CD2AP: variants seen among roughly 807,000 people sequenced by gnomAD.
CD2AP encodes CD2-associated protein.
CD2AP carries 46 observed loss-of-function variants against 85.1 expected under a neutral mutation model. The observed-to-expected ratio is 0.54, with a 90% CI of 0.43 to 0.69. The LOEUF is 0.69. Ranked by LOEUF, CD2AP falls within the 30% of genes least tolerant of loss-of-function variation. CD2AP has a pLI of 0.00. For synonymous variants in CD2AP, 255 were observed against 252.9 expected (o/e 1.01, Z -0.08); for missense variants, 769 against 729.5 (o/e 1.05, Z -0.62).
chr6:47,484,063 T>C (rs1765508953), intron 1 of CD2AP, among the ~76,000 whole-genome samples: 2 of 152,172 alleles, frequency 1.3e-5, no homozygotes, highest in Admixed American at 1.3e-4. Flanking sequence ...TTGTTGTTGC[T>C]TTTTAAATTT....
chr6:47,576,463 G>A, intron 6 of CD2AP, 61 bp from the exon 7 acceptor site: 3 of 1,119,380 alleles, frequency 2.7e-6, no homozygotes, highest in Middle Eastern at 2.1e-4. Flanking sequence ...TGGAAACTTT[G>A]TTTAACAGTA....
chr6:47,492,351 T>TG (rs1339461159), intron 1 of CD2AP, among the ~76,000 whole-genome samples: 1 of 144,858 alleles, frequency 6.9e-6, no homozygotes, highest in Non-Finnish European at 1.5e-5. Context: ...TGTAATCTTT[T>TG]TTTTTTTTTT....
At chr6:47,557,327 TA>T (rs1433265978) in intron 5 of CD2AP, among the ~76,000 whole-genome samples, 2 of 152,232 alleles carry the variant, frequency 1.3e-5, no homozygotes, top group Non-Finnish European at 2.9e-5. Context: ...CTCTTTAGTT[TA>T]ATTAGATCCC....
At chr6:47,568,659 G>A (rs1474714116) in intron 5 of CD2AP, among the ~76,000 whole-genome samples, 2 of 152,144 alleles carry the variant, frequency 1.3e-5, no homozygotes, top group East Asian at 1.9e-4. Context: ...CAGGAGATTC[G>A]CTTGAACCTG....
At position 47,597,515 on chromosome 6, in the gene CD2AP, ACTTGAGCAGGAGATTGAACAT is replaced by A. The variant is rs952452387; in HGVS notation, c.1274+1493_1274+1513del. 2.0e-5 allele frequency among the ~76,000 whole-genome samples: 3 copies of A among 150,980 alleles called. 1 individual carries two copies. The highest frequency in any genetic ancestry group is 4.5e-5 in the Non-Finnish European group (3 of 67,296). Reference sequence around the variant, plus strand: ...TGGAGGAAAGCTAGAGCACCAGGACACTTGAGCAGGAGATTGAACATCTTAGTGAATAGTGTTCATGGCAGC... The same window carrying A: ...TGGAGGAAAGCTAGAGCACCAGGACACTTAGTGAATAGTGTTCATGGCAGC... On this transcript the variant is annotated intron_variant, in intron 12 of 17. Transcript: ENST00000359314.
intron 5 of CD2AP, chr6:47,562,667 A>T (rs1023863117): frequency 8.9e-6 from 5 of 562,412 alleles, no homozygotes; most frequent in African/African-American, 7.2e-5. Flanking sequence ...TAATACTGCC[A>T]CTGCTTTATG....
chr6:47,553,513 A>T (rs1441398886), intron 4 of CD2AP, among the ~76,000 whole-genome samples: 1 of 110,516 alleles, frequency 9.0e-6, no homozygotes, highest in East Asian at 2.7e-4. Flanking sequence ...CACCTAGTGA[A>T]TTTTTTTTTT....
In CD2AP at chr6:47,593,920, A is replaced by G. The variant is rs115038175; in HGVS notation, c.1109-1941A>G. On this transcript the variant is annotated intron_variant, in intron 11 of 17. Transcript: ENST00000359314. ...AATGGGTAAACAGATTGTGTTTTAT[A>G]TATGTGTGTGTGTATGTTTAATGGA... is the stretch of plus-strand genomic sequence containing the variant. Among the ~76,000 whole-genome samples, 546 of 152,184 alleles carry G rather than the reference A, an allele frequency of 3.6e-3. 2 individuals are homozygous for G. The highest frequency in any genetic ancestry group is 0.012 in the African/African-American group (517 of 41,548).
Position 47,565,311 on chromosome 6 carries a change from G to T in CD2AP, c.542-8753G>T, listed in dbSNP as rs1406509127. ...TTTGCTAGGAAAGTGTTATGTTTCGGTTTTGTAATGTCTCCTTTTTAATTT... is the reference window on the plus strand; with the variant it reads ...TTTGCTAGGAAAGTGTTATGTTTCGTTTTTGTAATGTCTCCTTTTTAATTT... On this transcript the variant is annotated intron_variant, in intron 5 of 17. Transcript: ENST00000359314. Among the ~76,000 whole-genome samples the T allele has an allele frequency of 3.9e-5, 6 of 152,174 alleles. No homozygotes were observed. The East Asian group carries it at 1.2e-3, about 29-fold the overall frequency.
At chr6:47,530,724 C>T (rs1297176058) in intron 2 of CD2AP, among the ~76,000 whole-genome samples, 3 of 152,122 alleles carry the variant, frequency 2.0e-5, no homozygotes, top group Admixed American at 6.5e-5. Flanking sequence ...CTAGCTGCTG[C>T]CTGGTACTAG....
chr6:47,532,955 ATAGCCATG>A lies in CD2AP; in HGVS notation c.166-646_166-639del, dbSNP rs766777830. Among the ~76,000 whole-genome samples, 234 of 152,276 alleles carry A rather than the reference ATAGCCATG, an allele frequency of 1.5e-3. 1 individual carries two copies. Among genetic ancestry groups the A allele is most frequent in the Non-Finnish European group, 2.3e-3 (159 of 68,022 alleles). On this transcript the variant is annotated intron_variant, in intron 2 of 17. Coordinates refer to ENST00000359314, the MANE Select transcript of CD2AP (RefSeq NM_012120.3). The stretch of plus-strand genomic sequence containing the variant: ...CATGATGGTTCACATGTCTTATTTT[ATAGCCATG>A]ACTTAGATCAGGGGCTATCAAACTA...
Position 47,574,205 on chromosome 6 carries a change from G to A in CD2AP, c.683G>A (p.Arg228Gln), listed in dbSNP as rs756790635. The A allele has an allele frequency of 2.6e-5, 42 of 1,613,914 alleles. No homozygotes were observed. The highest frequency in any genetic ancestry group is 4.5e-5 in the East Asian group (2 of 44,824). Reference sequence around the variant, plus strand: ...TTTAAAGAAGGCTCTGTGAAACTTCGGACAAGAACATCCAGTAGTGAAACA... The same window carrying A: ...TTTAAAGAAGGCTCTGTGAAACTTCAGACAAGAACATCCAGTAGTGAAACA... ...DIFKEGSVKL[R>Q]TRTSSSETEE... Residue 228 changes from arginine (R) to glutamine (Q), a missense_variant, in exon 6 of 18, where the codon CGG (arginine) becomes CAG (glutamine). By Grantham distance (43) the Arg-to-Gln change is conservative (BLOSUM62 1). Coordinates refer to ENST00000359314, the MANE Select transcript of CD2AP (RefSeq NM_012120.3).
chr6:47,622,296 TC>T (rs1395651658), intron 17 of CD2AP, among the ~76,000 whole-genome samples: 4 of 152,190 alleles, frequency 2.6e-5, no homozygotes, highest in Non-Finnish European at 4.4e-5. Flanking sequence ...GCTTGGTTCT[TC>T]CCTCGCCTGT....
intron 1 of CD2AP, among the ~76,000 whole-genome samples, chr6:47,493,750 T>C (rs1448332769): frequency 6.6e-6 from 1 of 152,140 alleles, no homozygotes; most frequent in Admixed American, 6.5e-5. Context: ...TTTTTTGTTT[T>C]TTATAATTCT....
chr6:47,486,348 G>A (rs772238434), intron 1 of CD2AP, among the ~76,000 whole-genome samples: 11 of 152,172 alleles, frequency 7.2e-5, no homozygotes, highest in Non-Finnish European at 1.5e-4. Flanking sequence ...TCATGAATGT[G>A]TTGGGATGGC....
intron 5 of CD2AP, among the ~76,000 whole-genome samples, chr6:47,565,261 T>C (rs1767962848): frequency 6.6e-6 from 1 of 152,144 alleles, no homozygotes; most frequent in African/African-American, 2.4e-5. Flanking sequence ...TTTCTTTTAG[T>C]ATTCAGTCTC....
Position 47,574,204 on chromosome 6 carries a change from C to T in CD2AP, c.682C>T (p.Arg228Trp), listed in dbSNP as rs150851309. ...DIFKEGSVKL[R>W]TRTSSSETEE... Reference sequence around the variant, plus strand: ...TTTTAAAGAAGGCTCTGTGAAACTTCGGACAAGAACATCCAGTAGTGAAAC... The same window carrying T: ...TTTTAAAGAAGGCTCTGTGAAACTTTGGACAAGAACATCCAGTAGTGAAAC... The change falls in exon 6 of 18, where the codon CGG becomes TGG. Residue 228 changes from arginine (R) to tryptophan (W), a missense_variant. Coordinates refer to ENST00000359314, the MANE Select transcript of CD2AP (RefSeq NM_012120.3). The T allele has an allele frequency of 1.7e-4, 267 of 1,613,940 alleles. No individual in the cohort carries two copies. The Middle Eastern group carries it at 2.0e-3, about 12-fold the overall frequency.
Position 47,579,488 on chromosome 6 carries a change from C to T in CD2AP, c.1007C>T (p.Pro336Leu). The change falls in exon 9 of 18, where the codon CCA becomes CTA. Residue 336 changes from proline to leucine, a missense_variant and splice_region_variant. Coordinates refer to ENST00000359314, the MANE Select transcript of CD2AP (RefSeq NM_012120.3). ...ATAAATGAACTTGATAAAGACTTTC[C>T]AGTAAGCTTTTGTTTTTCAATGATG... ...VQINELDKDFPKPKKPPPPAK... is the reference protein window; with the variant it reads ...VQINELDKDFLKPKKPPPPAK... The T allele has an allele frequency of 3.2e-6, 5 of 1,561,842 alleles. No homozygotes were observed. Among genetic ancestry groups the T allele is most frequent in the Non-Finnish European group, 1.8e-6 (2 of 1,132,418 alleles).
chr6:47,577,901 T>C (rs1768355917), intron 8 of CD2AP, among the ~76,000 whole-genome samples: 1 of 152,144 alleles, frequency 6.6e-6, no homozygotes, highest in Non-Finnish European at 1.5e-5. Flanking sequence ...CTGACTTTGT[T>C]ATAAGATGTC....
Sources: gnomAD v4.1 joint callset for allele counts (sites outside exome capture counted in the v4.1 genomes callset) on GRCh38, gnomAD v4.1.1 for gene constraint, MANE v1.5 for transcripts, NCBI Gene and HGNC (gene_info 2026-07-23, HGNC 2026-07-21) for gene names.